The following NCOA3 variants were observed in gnomAD, a reference collection of about 807,000 sequenced individuals.
NCOA3 encodes nuclear receptor coactivator 3, also known as CBP-interacting protein.
A neutral mutation model predicts 158.8 loss-of-function variants in NCOA3; 51 were observed. That is an observed-to-expected ratio of 0.32 (90% CI 0.26 to 0.41). The LOEUF is 0.41. Ranked by LOEUF, NCOA3 falls within the 10% of genes least tolerant of loss-of-function variation. The probability of loss-of-function intolerance (pLI) is 1.00; values close to 1 mark genes in which losing one functional copy is unlikely to be tolerated. For missense variants in NCOA3, 1,510 were observed against 1,746.6 expected, an observed-to-expected ratio of 0.86 and a Z score of 2.41; for synonymous variants, 537 against 592.4, an observed-to-expected ratio of 0.91 and a Z score of 1.36.
chr20:47,635,746 T>G (rs2086502129), intron 11 of NCOA3, 33 bp downstream of exon 11: 1 of 1,564,006 alleles, frequency 6.4e-7, no homozygotes, highest in Non-Finnish European at 8.6e-7. Context: ...TTATTTTTTT[T>G]CTTTTTAAGT....
In NCOA3 at chr20:47,655,709, A is replaced by ATG. The variant is rs1174055572; in HGVS notation, c.*2299_*2300dup. Reference sequence around the variant, plus strand: ...ATTGTATCTGACCCTTCTTTAAGTTATGTGTGTGGGGAGAAATAGAATGGT... The same window carrying ATG: ...ATTGTATCTGACCCTTCTTTAAGTTATGTGTGTGTGGGGAGAAATAGAATGGT... On this transcript the variant is annotated 3_prime_UTR_variant, in exon 23 of 23. Coordinates refer to ENST00000371998, the MANE Select transcript of NCOA3 (RefSeq NM_181659.3). 4 of 152,468 alleles carry ATG rather than the reference A, an allele frequency of 2.6e-5. No homozygotes were observed. Among genetic ancestry groups the ATG allele is most frequent in the African/African-American group, 4.8e-5 (2 of 41,396 alleles). 9.4% of individuals were successfully genotyped at this position (152,468 alleles called of 1,614,324 possible).
chr20:47,592,897 A>T (rs1031083422), intron 2 of NCOA3, among the ~76,000 whole-genome samples: 2 of 152,228 alleles, frequency 1.3e-5, no homozygotes, highest in Non-Finnish European at 2.9e-5. Context: ...CAGTGAAAGT[A>T]TGTCTGTGGT....
At chr20:47,584,594 T>C (rs1182401506) in intron 2 of NCOA3, among the ~76,000 whole-genome samples, 7 of 145,518 alleles carry the variant, frequency 4.8e-5, no homozygotes, top group Non-Finnish European at 1.0e-4. Context: ...CACTCCAGCC[T>C]GGGCAACAGA....
intron 1 of NCOA3, among the ~76,000 whole-genome samples, chr20:47,542,180 A>C (rs1365022024): frequency 6.7e-6 from 1 of 150,298 alleles, no homozygotes; most frequent in African/African-American, 2.4e-5. Context: ...AAAGGTGCAC[A>C]CCACCATGCC....
intron 1 of NCOA3, 64 bp downstream of exon 1, chr20:47,502,083 A>C: frequency 2.5e-6 from 1 of 398,926 alleles, no homozygotes; most frequent in Non-Finnish European, 4.4e-6. Context: ...CGGAGGGAAG[A>C]GGGGCGAGTT....
At chr20:47,574,625 CTTTTGTGTT>C in intron 1 of NCOA3, among the ~76,000 whole-genome samples, 1 of 151,866 alleles carries the variant, frequency 6.6e-6, no homozygotes, top group Admixed American at 6.6e-5. Context: ...CCAAAATAGG[CTTTTGTGTT>C]TTAAGTTTCT....
chr20:47,566,769 C>T (rs896692511), intron 1 of NCOA3, among the ~76,000 whole-genome samples: 1 of 152,100 alleles, frequency 6.6e-6, no homozygotes, highest in Non-Finnish European at 1.5e-5. Context: ...CTTGGCCACC[C>T]ACAGTGTTGA....
intron 1 of NCOA3, among the ~76,000 whole-genome samples, chr20:47,533,416 A>G (rs1466238449): frequency 6.6e-6 from 1 of 152,062 alleles, no homozygotes; most frequent in East Asian, 1.9e-4. Flanking sequence ...AAATCCAGAA[A>G]AGTACAAAAA....
chr20:47,526,180 G>A (rs1353081420), intron 1 of NCOA3, among the ~76,000 whole-genome samples: 1 of 151,196 alleles, frequency 6.6e-6, no homozygotes, highest in South Asian at 2.1e-4. Flanking sequence ...GGGCAGAGAC[G>A]CTCCTCACTT....
intron 2 of NCOA3, among the ~76,000 whole-genome samples, chr20:47,592,439 T>C (rs1364220719): frequency 1.3e-5 from 2 of 152,266 alleles, no homozygotes; most frequent in Non-Finnish European, 2.9e-5. Flanking sequence ...TCTTTTGATA[T>C]CCCTTCAAGT....
chr20:47,653,126 G>A (rs541709701), intron 22 of NCOA3, 54 bp downstream of exon 22: 38 of 1,580,768 alleles, frequency 2.4e-5, no homozygotes, highest in South Asian at 3.4e-5. Flanking sequence ...TCTCTGGATA[G>A]AACTAAAGCC....
chr20:47,573,570 A>C (rs2085328046), intron 1 of NCOA3, among the ~76,000 whole-genome samples: 1 of 152,236 alleles, frequency 6.6e-6, no homozygotes, highest in South Asian at 2.1e-4. Flanking sequence ...TACCTGAAGC[A>C]GGGCTGCCAC....
At chr20:47,618,230 T>C (rs1339290036) in intron 2 of NCOA3, among the ~76,000 whole-genome samples, 1 of 152,108 alleles carries the variant, frequency 6.6e-6, no homozygotes, top group Admixed American at 6.6e-5. Context: ...GTGAGACTCT[T>C]GTCTCAAAAG....
intron 1 of NCOA3, among the ~76,000 whole-genome samples, chr20:47,572,883 T>G (rs1394923179): frequency 6.6e-6 from 1 of 152,140 alleles, no homozygotes; most frequent in Non-Finnish European, 1.5e-5. Context: ...TTTCTTCCTT[T>G]TACTTACTTG....
At chr20:47,618,145 G>T (rs1456310447) in intron 2 of NCOA3, among the ~76,000 whole-genome samples, 1 of 152,080 alleles carries the variant, frequency 6.6e-6, no homozygotes, top group Non-Finnish European at 1.5e-5. Flanking sequence ...GCTGAGACGA[G>T]AATCATTTGA....
At chr20:47,563,562 T>C (rs1019901845) in intron 1 of NCOA3, among the ~76,000 whole-genome samples, 1 of 152,182 alleles carries the variant, frequency 6.6e-6, no homozygotes, top group African/African-American at 2.4e-5. Context: ...CTGGGCATGA[T>C]GGCTTATGCC....
chr20:47,618,963 AAC>A (rs1278887657), intron 2 of NCOA3, among the ~76,000 whole-genome samples: 1 of 152,248 alleles, frequency 6.6e-6, no homozygotes, highest in Non-Finnish European at 1.5e-5. Flanking sequence ...AATTTATTGT[AAC>A]ACTATATCAA....
chr20:47,587,798 A>G (rs1001325313), intron 2 of NCOA3, among the ~76,000 whole-genome samples: 3 of 152,176 alleles, frequency 2.0e-5, no homozygotes, highest in Non-Finnish European at 4.4e-5. Context: ...ATACATATAC[A>G]TATTTTAGAA....
chr20:47,599,928 G>A (rs2085829777), intron 2 of NCOA3, among the ~76,000 whole-genome samples: 1 of 151,994 alleles, frequency 6.6e-6, no homozygotes, highest in Non-Finnish European at 1.5e-5. Context: ...CTTGCGCAAT[G>A]CCTCCAGAAA....
Sources: gnomAD v4.1 joint callset for allele counts (sites outside exome capture counted in the v4.1 genomes callset) on GRCh38, gnomAD v4.1.1 for gene constraint, MANE v1.5 for transcripts, NCBI Gene and HGNC (gene_info 2026-07-23, HGNC 2026-07-21) for gene names.